The following RBFOX1 variants were observed in gnomAD, a reference collection of about 807,000 sequenced individuals.
RBFOX1 encodes the protein RNA binding fox-1 homolog 1.
In RBFOX1, 8 loss-of-function variants were observed where a neutral mutation model predicts 57.7. The ratio of observed to expected loss-of-function variants is 0.14; its 90% CI spans 0.08 to 0.25. RBFOX1 has a LOEUF of 0.25. Ranked by LOEUF, RBFOX1 falls within the 10% of genes least tolerant of loss-of-function variation. The probability of loss-of-function intolerance (pLI) is 1.00; values close to 1 mark genes in which losing one functional copy is unlikely to be tolerated. For synonymous variants in RBFOX1, 326 were observed against 222.4 expected (o/e 1.47, Z -4.15); for missense variants, 611 against 548.5 (o/e 1.11, Z -1.14).
intron 2 of RBFOX1, among the ~76,000 whole-genome samples, chr16:6,421,791 A>G (rs935670040): frequency 5.3e-5 from 8 of 152,088 alleles, no homozygotes; most frequent in Non-Finnish European, 1.2e-4. Flanking sequence ...AGCTCTGTGC[A>G]GTTTTATACC....
intron 4 of RBFOX1, among the ~76,000 whole-genome samples, chr16:7,111,202 C>T (rs999671279): frequency 2.0e-5 from 3 of 152,160 alleles, no homozygotes; most frequent in Admixed American, 6.5e-5. Flanking sequence ...TTAAGGAGTT[C>T]AGTGTGATCA....
chr16:7,533,826 T>A (rs2080774107), intron 5 of RBFOX1, among the ~76,000 whole-genome samples: 1 of 152,224 alleles, frequency 6.6e-6, no homozygotes, highest in South Asian at 2.1e-4. Flanking sequence ...TAGTAAATAC[T>A]ACATTCTTCT....
chr16:6,434,848 A>G (rs1161486356), intron 2 of RBFOX1, among the ~76,000 whole-genome samples: 1 of 152,178 alleles, frequency 6.6e-6, no homozygotes, highest in African/African-American at 2.4e-5. Context: ...ATGATCCTTC[A>G]TTTGGCATTT....
intron 4 of RBFOX1, chr16:7,510,018 G>A: frequency 1.7e-5 from 5 of 292,320 alleles, no homozygotes; most frequent in Non-Finnish European, 2.5e-5. Flanking sequence ...TCAGTGGTGC[G>A]CTGTGAAACT....
intron 4 of RBFOX1, among the ~76,000 whole-genome samples, chr16:7,494,905 G>C (rs189731395): frequency 1.7e-3 from 240 of 142,938 alleles, no homozygotes; most frequent in African/African-American, 5.6e-3. Flanking sequence ...GTGTAGGATT[G>C]TTACATGGGT....
intron 4 of RBFOX1, among the ~76,000 whole-genome samples, chr16:7,350,401 A>T (rs947651310): frequency 6.6e-6 from 1 of 152,160 alleles, no homozygotes; most frequent in South Asian, 2.1e-4. Flanking sequence ...GAAAAACACA[A>T]AGTCAGGTGT....
Position 6,560,488 on chromosome 16 carries a change from AG to A in RBFOX1, c.-63-94113del, listed in dbSNP as rs1452399612. Among the ~76,000 whole-genome samples, 5 of 152,118 alleles carry A rather than the reference AG, an allele frequency of 3.3e-5. No individual in the cohort carries two copies. In the South Asian group the frequency reaches 8.3e-4, roughly 25 times the overall value. The stretch of plus-strand genomic sequence containing the variant: ...GAAAACAGTCAAAGCAAAAGATCTA[AG>A]GCTTGAGAGTAGCCGTCTGTTCAAG... On this transcript the variant is annotated intron_variant, in intron 2 of 15. Coordinates refer to ENST00000550418, the MANE Select transcript of RBFOX1 (RefSeq NM_018723.4).
chr16:7,583,962 T>G (rs563542570), intron 6 of RBFOX1, among the ~76,000 whole-genome samples: 1 of 152,334 alleles, frequency 6.6e-6, no homozygotes, highest in South Asian at 2.1e-4. Context: ...AAGATCACTT[T>G]TTAGTCACGA....
chr16:7,632,603 A>C (rs9941233), intron 11 of RBFOX1, among the ~76,000 whole-genome samples: 1 of 152,022 alleles, frequency 6.6e-6, no homozygotes, highest in African/African-American at 2.4e-5. Flanking sequence ...TCGCTGTACC[A>C]TTTACCTAGC....
chr16:5,411,058 G>T (rs1043426689), intron 1 of RBFOX1, among the ~76,000 whole-genome samples: 2 of 152,170 alleles, frequency 1.3e-5, no homozygotes, highest in African/African-American at 4.8e-5. Context: ...CTCCATAGTG[G>T]GCTGAAACTT....
At chr16:6,756,472 T>C (rs1464817294) in intron 3 of RBFOX1, among the ~76,000 whole-genome samples, 2 of 152,184 alleles carry the variant, frequency 1.3e-5, no homozygotes, top group African/African-American at 2.4e-5. Flanking sequence ...AATAGGACTA[T>C]ATTAGACTAA....
At chr16:7,615,966 G>T (rs1017377132) in intron 10 of RBFOX1, among the ~76,000 whole-genome samples, 1 of 152,174 alleles carries the variant, frequency 6.6e-6, no homozygotes, top group Non-Finnish European at 1.5e-5. Flanking sequence ...AATAATGTAT[G>T]AACAGCTGCA....
At chr16:7,029,590 G>C (rs754683101) in intron 3 of RBFOX1, among the ~76,000 whole-genome samples, 1 of 152,094 alleles carries the variant, frequency 6.6e-6, no homozygotes, top group African/African-American at 2.4e-5. Context: ...TTGGACATGA[G>C]ATCATTAAGT....
chr16:7,406,815 G>C (rs1166748410), intron 4 of RBFOX1, among the ~76,000 whole-genome samples: 1 of 152,118 alleles, frequency 6.6e-6, no homozygotes, highest in South Asian at 2.1e-4. Flanking sequence ...GCTTCTGCAG[G>C]GCTGTTTCTT....
intron 3 of RBFOX1, among the ~76,000 whole-genome samples, chr16:5,631,256 C>T (rs1218728265): frequency 6.6e-6 from 1 of 152,132 alleles, no homozygotes; most frequent in Non-Finnish European, 1.5e-5. Flanking sequence ...AATCCTCATG[C>T]ACATTTAAAA....
intron 2 of RBFOX1, among the ~76,000 whole-genome samples, chr16:6,504,496 G>T (rs143656833): frequency 6.6e-6 from 1 of 152,174 alleles, no homozygotes; most frequent in Non-Finnish European, 1.5e-5. Flanking sequence ...CCTTTGTAAT[G>T]TGAAACTTAA....
chr16:7,077,199 C>A (rs1190600644), intron 4 of RBFOX1, among the ~76,000 whole-genome samples: 1 of 152,146 alleles, frequency 6.6e-6, no homozygotes, highest in African/African-American at 2.4e-5. Flanking sequence ...ACATAATGCT[C>A]CAATCAGGCT....
intron 4 of RBFOX1, among the ~76,000 whole-genome samples, chr16:7,234,111 A>C (rs939737416): frequency 1.3e-5 from 2 of 152,116 alleles, no homozygotes; most frequent in African/African-American, 4.8e-5. Flanking sequence ...CATTGCATTC[A>C]GCTCTATTCA....
intron 4 of RBFOX1, among the ~76,000 whole-genome samples, chr16:5,934,647 A>G (rs532521861): frequency 1.3e-5 from 2 of 152,348 alleles, no homozygotes; most frequent in Middle Eastern, 3.4e-3. Flanking sequence ...GATGATGGAT[A>G]TGCTGATTAC....
Sources: gnomAD v4.1 joint callset for allele counts (sites outside exome capture counted in the v4.1 genomes callset) on GRCh38, gnomAD v4.1.1 for gene constraint, MANE v1.5 for transcripts, NCBI Gene and HGNC (gene_info 2026-07-23, HGNC 2026-07-21) for gene names.